Variants in ADAMTSL1 observed in about 807,000 individuals in gnomAD.
ADAMTSL1 encodes ADAMTS-like protein 1.
ADAMTSL1 carries 126 observed loss-of-function variants against 201.8 expected under a neutral mutation model. That is an observed-to-expected ratio of 0.62 (90% CI 0.54 to 0.72). The LOEUF is 0.72. ADAMTSL1 is among the 30% of genes least tolerant of loss of function. The probability of loss-of-function intolerance (pLI) is 0.00; values close to 1 mark genes in which losing one functional copy is unlikely to be tolerated. For synonymous variants in ADAMTSL1, 1,121 were observed against 903.4 expected, an observed-to-expected ratio of 1.24 and a Z score of -4.32; for missense variants, 2,679 against 2,277.8, an observed-to-expected ratio of 1.18 and a Z score of -3.59.
intron 2 of ADAMTSL1, among the ~76,000 whole-genome samples, chr9:18,283,780 C>T (rs566220759): frequency 1.1e-4 from 16 of 149,374 alleles, no homozygotes; most frequent in East Asian, 3.9e-4. Flanking sequence ...GGCATGGTGG[C>T]GGGCGCCTGT....
chr9:18,508,902 AGGCCGGGCGCGG>A (rs1817844348), intron 2 of ADAMTSL1, among the ~76,000 whole-genome samples: 1 of 142,608 alleles, frequency 7.0e-6, no homozygotes, highest in African/African-American at 2.7e-5. Flanking sequence ...TTAGAAATAG[AGGCCGGGCGCGG>A]TGGCTCACGC....
intron 21 of ADAMTSL1, among the ~76,000 whole-genome samples, chr9:18,821,618 T>C (rs1824216462): frequency 6.6e-6 from 1 of 152,234 alleles, no homozygotes; most frequent in Admixed American, 6.5e-5. Flanking sequence ...ACAGTCAGTA[T>C]GGAGAAACGT....
chr9:18,217,908 C>T (rs757977077), intron 2 of ADAMTSL1, among the ~76,000 whole-genome samples: 24 of 152,016 alleles, frequency 1.6e-4, no homozygotes, highest in Non-Finnish European at 2.5e-4. Flanking sequence ...GAGTAGCCCA[C>T]CCAACTTGGG....
chr9:18,023,925 C>A (rs570228471), intron 1 of ADAMTSL1, among the ~76,000 whole-genome samples: 2 of 152,008 alleles, frequency 1.3e-5, no homozygotes, highest in Non-Finnish European at 2.9e-5. Context: ...GAAAGAAATA[C>A]GAAAATATTT....
At chr9:18,665,817 CT>C (rs1829395716) in intron 9 of ADAMTSL1, among the ~76,000 whole-genome samples, 1 of 152,072 alleles carries the variant, frequency 6.6e-6, no homozygotes, top group Admixed American at 6.6e-5. Flanking sequence ...CTTCAAAATA[CT>C]TTTTATGTTT....
chr9:18,786,144 C>T (rs933853396), intron 19 of ADAMTSL1, among the ~76,000 whole-genome samples: 7 of 152,228 alleles, frequency 4.6e-5, no homozygotes, highest in African/African-American at 1.4e-4. Context: ...ATACTTATTT[C>T]TTCCTGTGGG....
chr9:18,298,634 C>G (rs1833569197), intron 2 of ADAMTSL1, among the ~76,000 whole-genome samples: 1 of 151,116 alleles, frequency 6.6e-6, no homozygotes, highest in Non-Finnish European at 1.5e-5. Context: ...CAAAATTACC[C>G]TATAAAGCAA....
intron 1 of ADAMTSL1, among the ~76,000 whole-genome samples, chr9:17,942,599 A>G (rs1453412269): frequency 6.6e-6 from 1 of 152,134 alleles, no homozygotes; most frequent in Non-Finnish European, 1.5e-5. Flanking sequence ...AAGAATTTGT[A>G]CTTTGGCCTG....
chr9:18,092,995 G>A (rs1179267085), intron 1 of ADAMTSL1, among the ~76,000 whole-genome samples: 1 of 152,138 alleles, frequency 6.6e-6, no homozygotes, highest in Non-Finnish European at 1.5e-5. Context: ...AGCTGACATT[G>A]TTTTGCAGCT....
At chr9:18,398,743 G>T (rs1231995205) in intron 2 of ADAMTSL1, among the ~76,000 whole-genome samples, 6 of 152,156 alleles carry the variant, frequency 3.9e-5, no homozygotes, top group Non-Finnish European at 1.5e-5. Flanking sequence ...TTAATAGGAG[G>T]TCACTGAAGG....
intron 3 of ADAMTSL1, among the ~76,000 whole-genome samples, chr9:18,545,073 A>T (rs111378158): frequency 1.4e-4 from 21 of 152,306 alleles, no homozygotes; most frequent in African/African-American, 5.1e-4. Flanking sequence ...GACTGATTAC[A>T]TACCTCAGAG....
At chr9:18,337,922 C>G (rs748487697) in intron 2 of ADAMTSL1, among the ~76,000 whole-genome samples, 4 of 151,530 alleles carry the variant, frequency 2.6e-5, no homozygotes, top group Non-Finnish European at 5.9e-5. Context: ...TGGGCTCCAC[C>G]TGGGCTAGGT....
intron 26 of ADAMTSL1, among the ~76,000 whole-genome samples, chr9:18,904,962 A>G (rs1218625648): frequency 1.3e-5 from 2 of 152,110 alleles, no homozygotes; most frequent in Non-Finnish European, 2.9e-5. Context: ...CTCTTGCTAG[A>G]AAAAAGCCAA....
intron 2 of ADAMTSL1, among the ~76,000 whole-genome samples, chr9:18,468,912 C>A (rs1821103864): frequency 6.6e-6 from 1 of 152,144 alleles, no homozygotes; most frequent in Non-Finnish European, 1.5e-5. Context: ...TGGAGTTTGT[C>A]ACGTAAGCAA....
chr9:18,465,493 A>G (rs1820968892), intron 2 of ADAMTSL1, among the ~76,000 whole-genome samples: 1 of 152,066 alleles, frequency 6.6e-6, no homozygotes, highest in African/African-American at 2.4e-5. Flanking sequence ...TCACATCATC[A>G]TTTCAGCCAC....
chr9:18,366,403 A>G (rs1429781212), intron 2 of ADAMTSL1, among the ~76,000 whole-genome samples: 1 of 151,154 alleles, frequency 6.6e-6, no homozygotes, highest in African/African-American at 2.4e-5. Flanking sequence ...CCTTTCTTTC[A>G]TTTGTCCCAT....
At chr9:17,926,250 T>G (rs959791595) in intron 1 of ADAMTSL1, among the ~76,000 whole-genome samples, 7 of 152,184 alleles carry the variant, frequency 4.6e-5, no homozygotes, top group African/African-American at 1.4e-4. Context: ...GAGTGCTTAT[T>G]TATTGGTATA....
chr9:18,136,043 C>A (rs980719429), intron 1 of ADAMTSL1, among the ~76,000 whole-genome samples: 1 of 152,118 alleles, frequency 6.6e-6, no homozygotes, highest in African/African-American at 2.4e-5. Flanking sequence ...AGGATTCAAA[C>A]CCTCTTACTC....
In ADAMTSL1 at chr9:18,578,304, C is replaced by T. The variant is rs138356382; in HGVS notation, c.474+4038C>T. 4.3e-4 allele frequency among the ~76,000 whole-genome samples: 65 copies of T among 152,296 alleles called. No homozygotes were observed. In the South Asian group the frequency reaches 9.5e-3, roughly 22 times the overall value. On this transcript the variant is annotated intron_variant, in intron 4 of 28. Transcript: ENST00000380548. ...ATACCTTTTCAAACCACATTCTCCCCCTTTCTCTCCCTCTCTCCCTCCTAG... is the reference window on the plus strand; with the variant it reads ...ATACCTTTTCAAACCACATTCTCCCTCTTTCTCTCCCTCTCTCCCTCCTAG...
Sources: allele counts gnomAD v4.1 joint callset (sites outside exome capture counted in the v4.1 genomes callset), GRCh38; gene constraint gnomAD v4.1.1; transcripts MANE v1.5; gene names NCBI Gene and HGNC (gene_info 2026-07-23, HGNC 2026-07-21).